TRIM44: variants seen among roughly 807,000 people sequenced by gnomAD.
The protein encoded by TRIM44 is tripartite motif containing 44.
Under a neutral mutation model 37.4 loss-of-function variants are expected in TRIM44, and 13 were observed. The observed-to-expected ratio is 0.35, with a 90% CI of 0.23 to 0.55. TRIM44 has a LOEUF of 0.55. Among genes scored for constraint, TRIM44 ranks in the 20% least tolerant of loss-of-function variants. The pLI, the probability that TRIM44 is intolerant of heterozygous loss-of-function variation, is 0.89. For missense variants in TRIM44, 426 were observed against 437.2 expected (o/e 0.97, Z 0.23); for synonymous variants, 175 against 157.2 (o/e 1.11, Z -0.85).
At chr11:35,738,717 T>C (rs1216117644) in intron 4 of TRIM44, among the ~76,000 whole-genome samples, 1 of 152,160 alleles carries the variant, frequency 6.6e-6, no homozygotes. Context: ...GGCTTCTGTA[T>C]TGCTGACAGT....
chr11:35,688,838 A>T (rs1043083630), intron 2 of TRIM44, among the ~76,000 whole-genome samples: 16 of 152,304 alleles, frequency 1.1e-4, no homozygotes, highest in African/African-American at 3.8e-4. Context: ...GGTGATGCTG[A>T]TGTTGCTGTT....
At chr11:35,697,106 C>A (rs530587639) in intron 2 of TRIM44, among the ~76,000 whole-genome samples, 1 of 151,850 alleles carries the variant, frequency 6.6e-6, no homozygotes, top group South Asian at 2.1e-4. Flanking sequence ...GGTACATGTG[C>A]ACAACGTGCA....
chr11:35,670,262 C>T (rs1670866678), intron 1 of TRIM44, among the ~76,000 whole-genome samples: 1 of 152,180 alleles, frequency 6.6e-6, no homozygotes, highest in Non-Finnish European at 1.5e-5. Flanking sequence ...TCAAGAACTG[C>T]TTCGTGTACT....
chr11:35,726,567 T>G (rs1218017732), intron 3 of TRIM44, among the ~76,000 whole-genome samples: 1 of 152,098 alleles, frequency 6.6e-6, no homozygotes, highest in African/African-American at 2.4e-5. Context: ...ATTTTGGACT[T>G]ACTTTGTACA....
intron 2 of TRIM44, among the ~76,000 whole-genome samples, chr11:35,715,404 ATGTG>A (rs112688346): frequency 8.4e-4 from 121 of 144,874 alleles, no homozygotes; most frequent in South Asian, 5.6e-3. Context: ...CTCTCTGTGT[ATGTG>A]TGTGTGTGTG....
chr11:35,719,039 T>C (rs1364963975), intron 2 of TRIM44, among the ~76,000 whole-genome samples: 1 of 152,184 alleles, frequency 6.6e-6, no homozygotes, highest in Non-Finnish European at 1.5e-5. Flanking sequence ...AAAGTTGCTA[T>C]AAACATCTGT....
At chr11:35,682,239 G>A (rs1851528445) in intron 1 of TRIM44, among the ~76,000 whole-genome samples, 1 of 152,116 alleles carries the variant, frequency 6.6e-6, no homozygotes, top group South Asian at 2.1e-4. Flanking sequence ...CCTTGAGTCC[G>A]TCTGCCTGAA....
chr11:35,677,444 C>T (rs898839562), intron 1 of TRIM44, among the ~76,000 whole-genome samples: 1 of 151,586 alleles, frequency 6.6e-6, no homozygotes, highest in Non-Finnish European at 1.5e-5. Flanking sequence ...TTCAGCACTT[C>T]TCTAGGTCAA....
At position 35,663,152 on chromosome 11, in the gene TRIM44, A is replaced by G; in HGVS notation, c.41A>G (p.His14Arg). 2 of 1,548,602 alleles carry G rather than the reference A, an allele frequency of 1.3e-6. No homozygotes were observed. Among genetic ancestry groups the G allele is most frequent in the Non-Finnish European group, 1.7e-6 (2 of 1,148,446 alleles). ...GVGAAFEELPHDGTCDECEPD... is the reference protein window; with the variant it reads ...GVGAAFEELPRDGTCDECEPD... ...GGCGCGGCCTTCGAGGAACTGCCTC[A>G]CGACGGCACGTGTGACGAGTGCGAG... The change falls in exon 1 of 5, where the codon CAC becomes CGC. Residue 14 changes from histidine (H) to arginine (R), a missense_variant. Coordinates refer to ENST00000299413, the MANE Select transcript of TRIM44 (RefSeq NM_017583.6).
chr11:35,669,365 T>G (rs1212006750), intron 1 of TRIM44, among the ~76,000 whole-genome samples: 1 of 152,202 alleles, frequency 6.6e-6, no homozygotes, highest in Non-Finnish European at 1.5e-5. Flanking sequence ...TTTGGATGTT[T>G]GGATAGTAAC....
At chr11:35,729,468 C>G (rs1032518829) in intron 3 of TRIM44, among the ~76,000 whole-genome samples, 1 of 152,128 alleles carries the variant, frequency 6.6e-6, no homozygotes, top group Non-Finnish European at 1.5e-5. Flanking sequence ...GAAGTAGTAC[C>G]TCTTCGTTTT....
At chr11:35,676,877 GTTGTT>G (rs1851465160) in intron 1 of TRIM44, among the ~76,000 whole-genome samples, 1 of 152,152 alleles carries the variant, frequency 6.6e-6, no homozygotes, top group Admixed American at 6.5e-5. Context: ...ACCTTTGTCT[GTTGTT>G]GAATTTTGAG....
intron 2 of TRIM44, among the ~76,000 whole-genome samples, chr11:35,695,644 A>C (rs182168223): frequency 1.6e-4 from 24 of 152,274 alleles, no homozygotes; most frequent in African/African-American, 5.3e-4. Context: ...TTGTGTGCTC[A>C]TGAAGTTTTC....
chr11:35,686,176 T>C (rs1250651396), intron 2 of TRIM44, among the ~76,000 whole-genome samples: 1 of 152,080 alleles, frequency 6.6e-6, no homozygotes, highest in Non-Finnish European at 1.5e-5. Flanking sequence ...AGAGGATTGA[T>C]ATTCTGGGAG....
chr11:35,735,311 A>C, intron 3 of TRIM44, 115 bp from the exon 4 acceptor site: 1 of 982,648 alleles, frequency 1.0e-6, no homozygotes, highest in Non-Finnish European at 1.6e-6. Context: ...TCTCTGTTAC[A>C]ATAAATGTAT....
chr11:35,688,384 T>C (rs1383571210), intron 2 of TRIM44, among the ~76,000 whole-genome samples: 3 of 152,206 alleles, frequency 2.0e-5, no homozygotes, highest in South Asian at 4.1e-4. Flanking sequence ...TTAATCATTT[T>C]TTTAAAATTA....
chr11:35,672,276 CCTTACTACATACGATATGTT>C (rs1383187322), intron 1 of TRIM44, among the ~76,000 whole-genome samples: 11 of 152,218 alleles, frequency 7.2e-5, no homozygotes, highest in African/African-American at 2.6e-4. Flanking sequence ...ACACCATTTG[CCTTACTACATACGATATGTT>C]CTGTTTCTCT....
At chr11:35,778,920 G>C (rs1335935012) in intron 4 of TRIM44, among the ~76,000 whole-genome samples, 1 of 152,214 alleles carries the variant, frequency 6.6e-6, no homozygotes, top group Non-Finnish European at 1.5e-5. Flanking sequence ...GAGGCAGTCT[G>C]TCCATTCTCA....
At chr11:35,799,160 G>T (rs1330302788) in intron 4 of TRIM44, among the ~76,000 whole-genome samples, 1 of 152,232 alleles carries the variant, frequency 6.6e-6, no homozygotes, top group Non-Finnish European at 1.5e-5. Flanking sequence ...CTATTGCAGG[G>T]CACTGCCTGG....
Sources: gnomAD v4.1 joint callset for allele counts (sites outside exome capture counted in the v4.1 genomes callset) on GRCh38, gnomAD v4.1.1 for gene constraint, MANE v1.5 for transcripts, NCBI Gene and HGNC (gene_info 2026-07-23, HGNC 2026-07-21) for gene names.